Variants in SEMA3E observed in about 807,000 individuals in gnomAD.
SEMA3E encodes semaphorin 3E.
A neutral mutation model predicts 93.6 loss-of-function variants in SEMA3E; 49 were observed. The ratio of observed to expected loss-of-function variants is 0.52; its 90% CI spans 0.42 to 0.66. The LOEUF is 0.66. Ranked by LOEUF, SEMA3E falls within the 30% of genes least tolerant of loss-of-function variation. The pLI is 0.00. For missense variants in SEMA3E, 906 were observed against 964.8 expected (o/e 0.94, Z 0.81); for synonymous variants, 363 against 330.7 (o/e 1.10, Z -1.06).
chr7:83,627,208 G>A (rs1793687632), intron 1 of SEMA3E, among the ~76,000 whole-genome samples: 1 of 152,280 alleles, frequency 6.6e-6, no homozygotes, highest in East Asian at 1.9e-4. Context: ...TTCTGTAGAT[G>A]TCTATCAGGT....
intron 1 of SEMA3E, among the ~76,000 whole-genome samples, chr7:83,597,142 T>A (rs1349602201): frequency 2.6e-5 from 4 of 152,130 alleles, no homozygotes; most frequent in African/African-American, 7.2e-5. Context: ...ATATCTATAC[T>A]CCTGGAAAGG....
intron 14 of SEMA3E, 87 bp from the exon 15 acceptor site, chr7:83,387,137 G>GCAGAA: frequency 9.6e-7 from 1 of 1,044,102 alleles, no homozygotes; most frequent in Non-Finnish European, 1.5e-6. Context: ...TATACAAGTA[G>GCAGAA]TATTCTGCTA....
At chr7:83,504,334 A>G (rs1202750709) in intron 1 of SEMA3E, among the ~76,000 whole-genome samples, 4 of 152,200 alleles carry the variant, frequency 2.6e-5, no homozygotes, top group Non-Finnish European at 5.9e-5. Flanking sequence ...ATAACAAAGA[A>G]AATAACACTG....
At chr7:83,383,193 T>C (rs1044922113) in intron 16 of SEMA3E, among the ~76,000 whole-genome samples, 1 of 149,984 alleles carries the variant, frequency 6.7e-6, no homozygotes, top group Non-Finnish European at 1.5e-5. Flanking sequence ...TGAAAATAAA[T>C]ATCCTTCAAA....
chr7:83,510,323 T>C (rs1790791611), intron 1 of SEMA3E, among the ~76,000 whole-genome samples: 2 of 152,320 alleles, frequency 1.3e-5, no homozygotes, highest in East Asian at 3.9e-4. Context: ...GATGAGAATA[T>C]GCAATATCTA....
chr7:83,618,020 A>G (rs539093467), intron 1 of SEMA3E, among the ~76,000 whole-genome samples: 1 of 152,070 alleles, frequency 6.6e-6, no homozygotes, highest in Non-Finnish European at 1.5e-5. Context: ...CCCTTTGTGC[A>G]TTTTGCTTTA....
At position 83,413,247 on chromosome 7, in the gene SEMA3E, A is replaced by C. The variant is rs556556834; in HGVS notation, c.551-4760T>G. Among the ~76,000 whole-genome samples, 3 of 152,246 alleles carry C rather than the reference A, an allele frequency of 2.0e-5. No individual in the cohort carries two copies. The South Asian group carries it at 6.2e-4, about 32-fold the overall frequency. ...CTATATATTATCTGAGTTTTTATTTACCATGTTGGATTTTAATTGTATAAC... is the reference window on the plus strand; with the variant it reads ...CTATATATTATCTGAGTTTTTATTTCCCATGTTGGATTTTAATTGTATAAC... On this transcript the variant is annotated intron_variant, in intron 5 of 16. Coordinates refer to ENST00000643230, the MANE Select transcript of SEMA3E (RefSeq NM_012431.3).
intron 1 of SEMA3E, among the ~76,000 whole-genome samples, chr7:83,527,315 T>C (rs1791182075): frequency 6.6e-6 from 1 of 152,166 alleles, no homozygotes; most frequent in African/African-American, 2.4e-5. Flanking sequence ...ATTCCACTTG[T>C]GGTACTTTGT....
At chr7:83,409,895 C>A (rs1017546555) in intron 5 of SEMA3E, among the ~76,000 whole-genome samples, 4 of 151,222 alleles carry the variant, frequency 2.6e-5, no homozygotes, top group Non-Finnish European at 5.9e-5. Context: ...AGAAAATGAT[C>A]AATTAAATTA....
chr7:83,507,778 C>A, intron 1 of SEMA3E, among the ~76,000 whole-genome samples: 1 of 150,818 alleles, frequency 6.6e-6, no homozygotes, highest in Non-Finnish European at 1.5e-5. Context: ...TCTCATCTCT[C>A]CAAAAAAAAT....
chr7:83,608,054 C>T (rs7779978), intron 1 of SEMA3E, among the ~76,000 whole-genome samples: 92,505 of 151,518 alleles, frequency 0.61, 28,567 homozygotes, highest in African/African-American at 0.7. Context: ...CTACTAAAGA[C>T]GCAAAAAATT....
At chr7:83,641,333 T>C (rs946949805) in intron 1 of SEMA3E, 1 of 976,116 alleles carries the variant, frequency 1.0e-6, no homozygotes, top group South Asian at 4.7e-5. Flanking sequence ...ATATCTTACC[T>C]GTTCATCTAA....
At position 83,407,118 on chromosome 7, in the gene SEMA3E, G is replaced by T. The variant is rs1788344719; in HGVS notation, c.792C>A (p.Thr264=). ...TCACCACACAGAGTCGCCCGACCCT[G>T]GTGTAAATTGCGTGAGCATTGTTTT... The part of the protein sequence containing the change: ...EAENNAHAIY[T]RVGRLCVNDV... Residue 264 remains threonine (T), a synonymous_variant, in exon 7 of 17, where the codon ACC becomes ACA. Transcript: ENST00000643230. 1 of 1,613,376 alleles carries T rather than the reference G, an allele frequency of 6.2e-7. No individual in the cohort carries two copies. The highest frequency in any genetic ancestry group is 1.7e-5 in the Admixed American group (1 of 59,898).
chr7:83,553,607 G>A lies in SEMA3E; in HGVS notation c.116-63333C>T, dbSNP rs114732430. The stretch of plus-strand genomic sequence containing the variant: ...CAATACATGCTTGTTGAATATATAC[G>A]GATGAATAAATGAATGAATTAACTT... On this transcript the variant is annotated intron_variant, in intron 1 of 16. Coordinates refer to ENST00000643230, the MANE Select transcript of SEMA3E (RefSeq NM_012431.3). Among the ~76,000 whole-genome samples the A allele has an allele frequency of 5.1e-3, 770 of 152,088 alleles. 6 individuals carry two copies. The highest frequency in any genetic ancestry group is 0.017 in the African/African-American group (721 of 41,470).
At chr7:83,545,220 TG>T (rs922072376) in intron 1 of SEMA3E, among the ~76,000 whole-genome samples, 9 of 151,858 alleles carry the variant, frequency 5.9e-5, no homozygotes, top group Admixed American at 2.6e-4. Flanking sequence ...ATAAGCTACA[TG>T]GGGGCATAGC....
At chr7:83,372,218 G>T (rs1466632690) in intron 16 of SEMA3E, 1 of 397,706 alleles carries the variant, frequency 2.5e-6, no homozygotes, top group African/African-American at 2.1e-5. Context: ...AGCAAACATG[G>T]TTTCAGGAGC....
chr7:83,511,266 T>C (rs1584299158), intron 1 of SEMA3E, among the ~76,000 whole-genome samples: 1 of 148,706 alleles, frequency 6.7e-6, no homozygotes, highest in South Asian at 2.1e-4. Flanking sequence ...AATGCCTTCT[T>C]TGGGTTAGTC....
At chr7:83,434,709 C>CTT (rs76539180) in intron 4 of SEMA3E, among the ~76,000 whole-genome samples, 4,113 of 119,622 alleles carry the variant, frequency 0.034, 131 homozygotes, top group African/African-American at 0.058. Context: ...AACTGTATTT[C>CTT]TTTTTTTTTT....
At chr7:83,585,303 A>G (rs1792602826) in intron 1 of SEMA3E, among the ~76,000 whole-genome samples, 1 of 152,152 alleles carries the variant, frequency 6.6e-6, no homozygotes, top group Non-Finnish European at 1.5e-5. Context: ...CAATCATTTT[A>G]TATATTTGCC....
Sources: gnomAD v4.1 joint callset for allele counts (sites outside exome capture counted in the v4.1 genomes callset) on GRCh38, gnomAD v4.1.1 for gene constraint, MANE v1.5 for transcripts, NCBI Gene and HGNC (gene_info 2026-07-23, HGNC 2026-07-21) for gene names.